POU2F2: variants seen among roughly 807,000 people sequenced by gnomAD.
The protein encoded by POU2F2 is POU class 2 homeobox 2.
POU2F2 carries 14 observed loss-of-function variants against 63.5 expected under a neutral mutation model. The ratio of observed to expected loss-of-function variants is 0.22; its 90% confidence interval spans 0.15 to 0.34. The LOEUF is 0.34. POU2F2 is among the 10% of genes least tolerant of loss of function. The pLI is 1.00. For synonymous variants in POU2F2, 306 were observed against 348.6 expected, an observed-to-expected ratio of 0.88 and a Z score of 1.36; for missense variants, 607 against 815.2, an observed-to-expected ratio of 0.74 and a Z score of 3.11.
intron 4 of POU2F2, among the ~76,000 whole-genome samples, chr19:42,120,186 C>T (rs1361096575): frequency 1.3e-5 from 2 of 151,624 alleles, no homozygotes; most frequent in African/African-American, 4.9e-5. Flanking sequence ...GTTAGAACTA[C>T]AGGCTTGAGC....
At chr19:42,179,408 G>A (rs1411280894), upstream of POU2F2, among the ~76,000 whole-genome samples, 1 of 152,144 alleles carries the variant, frequency 6.6e-6, no homozygotes, top group Admixed American at 6.5e-5. Context: ...AGGGTCTTGG[G>A]AGGGTGCATG....
chr19:42,167,063 G>A (rs2034667105), intron 1 of POU2F2, among the ~76,000 whole-genome samples: 3 of 152,292 alleles, frequency 2.0e-5, no homozygotes, highest in East Asian at 1.9e-4. Context: ...CCCTGCCATC[G>A]TGGAATCCAC....
chr19:42,181,191 C>T (rs2034956475), intron 1 of POU2F2, among the ~76,000 whole-genome samples: 1 of 152,242 alleles, frequency 6.6e-6, no homozygotes, highest in African/African-American at 2.4e-5. Flanking sequence ...GGGCTCCGCC[C>T]AGCCCCGAGT....
At chr19:42,130,051 C>T (rs570738312) in intron 1 of POU2F2, among the ~76,000 whole-genome samples, 2 of 152,264 alleles carry the variant, frequency 1.3e-5, no homozygotes, top group Admixed American at 6.5e-5. Flanking sequence ...CCCAAACGTG[C>T]GTACACACAT....
chr19:42,121,232 G>A (rs888396568), intron 4 of POU2F2, among the ~76,000 whole-genome samples: 4 of 152,152 alleles, frequency 2.6e-5, no homozygotes, highest in Non-Finnish European at 4.4e-5. Flanking sequence ...GGTCAAGATC[G>A]AGAGCCTGTC....
rs571281574 is a variant in POU2F2 at position 42,090,565 on chromosome 19, A to G, written c.*692T>C. The G allele has an allele frequency of 6.5e-6, 1 of 152,846 alleles. No individual in the cohort carries two copies. Among genetic ancestry groups the G allele is most frequent in the South Asian group, 2.1e-4 (1 of 4,830 alleles). 9.5% of individuals were successfully genotyped at this position (152,846 alleles called of 1,614,324 possible). A position where few individuals can be genotyped will look rare whatever the true frequency, so the allele number is the denominator to read the frequency against. On this transcript the variant is annotated 3_prime_UTR_variant, in exon 15 of 15. Coordinates refer to ENST00000692977, the MANE Select transcript of POU2F2 (RefSeq NM_001394376.1). The surrounding 1 kb of genome is among the most constrained non-coding windows in gnomAD (Gnocchi z 4.4). Reference sequence around the variant, plus strand: ...AGAAGGGGACACATGGTAGGGACACATTCTGTTGAGCACAATGCTAAAAAT... The same window carrying G: ...AGAAGGGGACACATGGTAGGGACACGTTCTGTTGAGCACAATGCTAAAAAT...
intron 1 of POU2F2, among the ~76,000 whole-genome samples, chr19:42,170,459 T>C (rs2034739970): frequency 6.8e-6 from 1 of 147,154 alleles, no homozygotes; most frequent in Non-Finnish European, 1.5e-5. Flanking sequence ...CAAGAGTGCA[T>C]AGTGTCTCAC....
chr19:42,141,569 C>A (rs1738860902), intron 2 of POU2F2, among the ~76,000 whole-genome samples: 1 of 149,206 alleles, frequency 6.7e-6, no homozygotes, highest in Admixed American at 6.8e-5. Flanking sequence ...ACAACCTCTG[C>A]CTCCTGTGTT....
chr19:42,184,615 CCCCCAAGACACA>C (rs1312626451), intron 1 of POU2F2, among the ~76,000 whole-genome samples: 1 of 152,178 alleles, frequency 6.6e-6, no homozygotes, highest in Non-Finnish European at 1.5e-5. Context: ...CCACTACTGC[CCCCCAAGACACA>C]CCCTTGTCCC....
At chr19:42,178,511 T>A (rs1003919763), upstream of POU2F2, among the ~76,000 whole-genome samples, 1 of 151,672 alleles carries the variant, frequency 6.6e-6, no homozygotes, top group Non-Finnish European at 1.5e-5. Flanking sequence ...GTAAGAGATA[T>A]AGACCTGCGG....
Position 42,189,339 on chromosome 19 carries a change from C to A in POU2F2, c.-70+7044G>T, listed in dbSNP as rs538751528. Among the ~76,000 whole-genome samples the A allele has an allele frequency of 2.4e-4, 36 of 152,272 alleles. No individual in the cohort carries two copies. In the South Asian group the frequency reaches 7.5e-3, roughly 32 times the overall value. On this transcript the variant is annotated intron_variant, in intron 1 of 5. Transcript: ENST00000532176. ...GGAGGCCACAAGACTCAAGCTGCAC[C>A]AGTCAGAAGCTCTCCCTGGAATTTG...
At chr19:42,179,984 A>C (rs1320614916), upstream of POU2F2, among the ~76,000 whole-genome samples, 1 of 151,130 alleles carries the variant, frequency 6.6e-6, no homozygotes, top group Non-Finnish European at 1.5e-5. Flanking sequence ...ACCACTTAAT[A>C]CCCCCATACA....
rs753917346 is a variant in POU2F2, at chr19:42,162,677, T to C, written c.-69-2285A>G. 6.6e-6 allele frequency among the ~76,000 whole-genome samples: 1 copy of C among 152,038 alleles called. No homozygotes were observed. The highest frequency in any genetic ancestry group is 1.5e-5 in the Non-Finnish European group (1 of 68,002). On this transcript the variant is annotated intron_variant, in intron 1 of 6. Transcript: ENST00000524801. This position sits in a 1 kb window ranked among gnomAD's most constrained non-coding sequence, Gnocchi z 4.1. ...TATAATGGTTTGCTGTGTCCTGGGG[T>C]CAGTTTGCCATGTACATGGCAGACT...
chr19:42,135,609 C>A (rs540971185), upstream of POU2F2, among the ~76,000 whole-genome samples: 3 of 152,220 alleles, frequency 2.0e-5, no homozygotes, highest in African/African-American at 7.2e-5. Flanking sequence ...CACTGCTTGC[C>A]ACTCTTGCCC....
chr19:42,125,684 TC>T (rs2033134248), intron 1 of POU2F2, among the ~76,000 whole-genome samples: 1 of 152,130 alleles, frequency 6.6e-6, no homozygotes, highest in Non-Finnish European at 1.5e-5. Flanking sequence ...TCCTCTGGCC[TC>T]CGTCCCTCCA....
rs1184625439 is a variant in POU2F2 at position 42,096,845 on chromosome 19, T to C, written c.568-602A>G. Reference sequence around the variant, plus strand: ...ATCACCTGTTACGCTTGTACCACTCTGGTTGGGGATGTAGATGATGCAGGA... The same window carrying C: ...ATCACCTGTTACGCTTGTACCACTCCGGTTGGGGATGTAGATGATGCAGGA... On this transcript the variant is annotated intron_variant, in intron 7 of 14. Coordinates refer to ENST00000692977, the MANE Select transcript of POU2F2 (RefSeq NM_001394376.1). The surrounding 1 kb of genome is among the most constrained non-coding windows in gnomAD (Gnocchi z 4.1). Among the ~76,000 whole-genome samples the C allele has an allele frequency of 6.6e-6, 1 of 152,164 alleles. No homozygotes were observed. The highest frequency in any genetic ancestry group is 2.4e-5 in the African/African-American group (1 of 41,424).
chr19:42,196,946 G>A (rs192038623), upstream of POU2F2, among the ~76,000 whole-genome samples: 17 of 152,370 alleles, frequency 1.1e-4, no homozygotes, highest in East Asian at 3.1e-3. Flanking sequence ...TGGGGCCAAT[G>A]ACATGGAACG....
chr19:42,161,681 G>A (rs1032027643), intron 1 of POU2F2, among the ~76,000 whole-genome samples: 1 of 152,130 alleles, frequency 6.6e-6, no homozygotes, highest in Non-Finnish European at 1.5e-5. Context: ...AGAAGCAAAA[G>A]GGGGGTAAAA....
chr19:42,166,441 G>A (rs2034652092), intron 1 of POU2F2, among the ~76,000 whole-genome samples: 1 of 151,994 alleles, frequency 6.6e-6, no homozygotes, highest in Non-Finnish European at 1.5e-5. Flanking sequence ...ATCATCACAC[G>A]TGCCACTGCT....
Sources: gnomAD v4.1 joint callset for allele counts (sites outside exome capture counted in the v4.1 genomes callset) on GRCh38, gnomAD v4.1.1 for gene constraint, Gnocchi (gnomAD v3.1) non-coding constraint, MANE v1.5 for transcripts, NCBI Gene and HGNC (gene_info 2026-07-23, HGNC 2026-07-21) for gene names.